Variants in AARS1 observed in about 807,000 individuals in gnomAD.
AARS1 encodes the protein alanyl-tRNA synthetase 1, also known as alanine--tRNA ligase, cytoplasmic.
Under a neutral mutation model 108.9 loss-of-function variants are expected in AARS1, and 72 were observed. That is an observed-to-expected ratio of 0.66 (90% CI 0.55 to 0.80). The LOEUF is 0.80. AARS1 is among the 30% of genes least tolerant of loss of function. The probability of loss-of-function intolerance (pLI) is 0.00; values close to 1 mark genes in which losing one functional copy is unlikely to be tolerated. For missense variants in AARS1, 1,193 were observed against 1,233.2 expected (o/e 0.97, Z 0.49); for synonymous variants, 489 against 465.7 (o/e 1.05, Z -0.64).
In AARS1 at chr16:70,259,110, T is replaced by G; in HGVS notation, c.1862A>C (p.Glu621Ala). 1 of 1,614,148 alleles carries G rather than the reference T, an allele frequency of 6.2e-7. No homozygotes were observed. The highest frequency in any genetic ancestry group is 8.5e-7 in the Non-Finnish European group (1 of 1,180,012). ...LNFALRSVLG[E>A]ADQKGSLVAP... ...AACCAATGAGCCTTTCTGGTCAGCT[T>G]CCCCAAGCACTGAGCGCAGGGCGAA... The change falls in exon 14 of 21, where the codon GAA (glutamate) becomes GCA (alanine). Residue 621 changes from glutamate to alanine, a missense_variant. By Grantham distance (107) the Glu-to-Ala change is moderately radical. Coordinates refer to ENST00000261772, the MANE Select transcript of AARS1 (RefSeq NM_001605.3).
At chr16:70,253,590 T>A (rs1959902090) in intron 19 of AARS1, 124 bp downstream of exon 19, 1 of 1,226,452 alleles carries the variant, frequency 8.2e-7, no homozygotes, top group African/African-American at 1.5e-5. Context: ...CTGCTGCTCC[T>A]CCCAATCTCA....
chr16:70,276,271 G>A, intron 4 of AARS1: 2 of 508,022 alleles, frequency 3.9e-6, no homozygotes, highest in Non-Finnish European at 7.1e-6. Flanking sequence ...TAATTACTCT[G>A]TCGCCCAGGC....
At position 70,254,701 on chromosome 16, in the gene AARS1, G is replaced by A; in HGVS notation, c.2320C>T (p.Leu774Phe). 2 of 1,614,060 alleles carry A rather than the reference G, an allele frequency of 1.2e-6. No homozygotes were observed. The highest frequency in any genetic ancestry group is 8.5e-7 in the Non-Finnish European group (1 of 1,179,930). ...TTCACTTTGGCTTCCATGACAGAGA[G>A]ACATTTCTTCAAGCTCTCTGCTTTC... ...LRKAESLKKC[L>F]SVMEAKVKAQ... The change falls in exon 17 of 21, where the codon CTC becomes TTC. Residue 774 changes from leucine (L) to phenylalanine (F), a missense_variant. Transcript: ENST00000261772.
intron 10 of AARS1, 123 bp downstream of exon 10, chr16:70,265,415 C>T (rs745471132): frequency 5.5e-6 from 8 of 1,466,968 alleles, no homozygotes; most frequent in Non-Finnish European, 7.6e-6. Context: ...ACTTGAGAAC[C>T]ACTGATCTAG....
At position 70,260,864 on chromosome 16, in the gene AARS1, G is replaced by T. The variant is rs182651209; in HGVS notation, c.1785+180C>A. Among the ~76,000 whole-genome samples, 14 of 152,084 alleles carry T rather than the reference G, an allele frequency of 9.2e-5. 1 individual carries two copies. The highest frequency in any genetic ancestry group is 2.0e-4 in the Admixed American group (3 of 15,262). The stretch of plus-strand genomic sequence containing the variant: ...TTTTTAGTAGAGACGGGGTTTCACC[G>T]TGTTAGCCAGGATGGTCTCGATCTC... On this transcript the variant is annotated intron_variant, in intron 13 of 20. Coordinates refer to ENST00000261772, the MANE Select transcript of AARS1 (RefSeq NM_001605.3).
intron 14 of AARS1, among the ~76,000 whole-genome samples, chr16:70,258,666 C>T (rs1476799857): frequency 6.6e-6 from 1 of 152,130 alleles, no homozygotes; most frequent in Non-Finnish European, 1.5e-5. Flanking sequence ...CCCGGGTTCA[C>T]ACCATTCTCC....
chr16:70,288,144 G>A lies in AARS1; in HGVS notation c.-22+1277C>T, dbSNP rs564373373. Among the ~76,000 whole-genome samples the A allele has an allele frequency of 6.6e-3, 791 of 119,688 alleles. 10 individuals are homozygous for A. The highest frequency in any genetic ancestry group is 0.025 in the African/African-American group (756 of 30,428). The allele number at this position is 119,688 out of a possible 152,430, so 78.5% of individuals were successfully genotyped here. A position where few individuals can be genotyped will look rare whatever the true frequency, so the allele number is the denominator to read the frequency against. On this transcript the variant is annotated intron_variant, in intron 1 of 20. Coordinates refer to ENST00000261772, the MANE Select transcript of AARS1 (RefSeq NM_001605.3). ...TTGAGACGGAGTCTCGCTCTGTTGC[G>A]CAGGCTGGAGTGCAGTGGCGCGATC...
chr16:70,285,227 T>C (rs1451677905), intron 1 of AARS1, among the ~76,000 whole-genome samples: 2 of 133,864 alleles, frequency 1.5e-5, no homozygotes, highest in Admixed American at 1.5e-4. Context: ...AGACTCCGTC[T>C]AAAAAAAAAA....
intron 11 of AARS1, among the ~76,000 whole-genome samples, chr16:70,264,641 G>A (rs1264205930): frequency 6.6e-6 from 1 of 152,126 alleles, no homozygotes; most frequent in Non-Finnish European, 1.5e-5. Context: ...GATAGTCACT[G>A]TGGATTGTAT....
chr16:70,283,307 G>A (rs1960751808), intron 1 of AARS1, among the ~76,000 whole-genome samples: 1 of 151,750 alleles, frequency 6.6e-6, no homozygotes, highest in East Asian at 1.9e-4. Flanking sequence ...TGAGGCAGGA[G>A]AATCGCTTGA....
intron 9 of AARS1, among the ~76,000 whole-genome samples, chr16:70,267,337 G>C (rs554197438): frequency 9.2e-5 from 14 of 152,214 alleles, no homozygotes; most frequent in African/African-American, 3.4e-4. Flanking sequence ...ATATCTACAT[G>C]TATTTGCATG....
intron 10 of AARS1, 177 bp downstream of exon 10, chr16:70,265,361 C>A: frequency 1.8e-6 from 2 of 1,095,672 alleles, no homozygotes; most frequent in South Asian, 1.3e-5. Context: ...AAAATGTCTT[C>A]AGACATTATC....
In AARS1 at chr16:70,276,558, G is replaced by A. The variant is rs1224921474; in HGVS notation, c.407C>T (p.Thr136Ile). The A allele has an allele frequency of 6.2e-7, 1 of 1,614,104 alleles. No homozygotes were observed. Among genetic ancestry groups the A allele is most frequent in the South Asian group, 1.1e-5 (1 of 91,084 alleles). ...FGIPIERLYV[T>I]YFGGDEAAGL... Reference sequence around the variant, plus strand: ...AGCTGCTTCATCCCCGCCAAAGTAAGTAACATAAAGTCTTTCAATGGGAAT... The same window carrying A: ...AGCTGCTTCATCCCCGCCAAAGTAAATAACATAAAGTCTTTCAATGGGAAT... Residue 136 changes from threonine (T) to isoleucine (I), a missense_variant, in exon 4 of 21, where the codon ACT becomes ATT. Coordinates refer to ENST00000261772, the MANE Select transcript of AARS1 (RefSeq NM_001605.3).
At position 70,277,156 on chromosome 16, in the gene AARS1, TAA is replaced by T; in HGVS notation, c.145-4_145-3del. 1 of 1,614,036 alleles carries T rather than the reference TAA, an allele frequency of 6.2e-7. No homozygotes were observed. Among genetic ancestry groups the T allele is most frequent in the South Asian group, 1.1e-5 (1 of 91,076 alleles). ...TGTGTTCAGGAAAATGGGTTTAAAC[TAA>T]AAGAGAAGGACAGCAGTTCAACTTT... On this transcript the variant is annotated splice_polypyrimidine_tract_variant and splice_region_variant and intron_variant, in intron 2 of 20. Coordinates refer to ENST00000261772, the MANE Select transcript of AARS1 (RefSeq NM_001605.3).
intron 9 of AARS1, among the ~76,000 whole-genome samples, chr16:70,266,685 C>G (rs955698353): frequency 6.6e-6 from 1 of 151,874 alleles, no homozygotes; most frequent in African/African-American, 2.4e-5. Context: ...TCATGCATGG[C>G]TAATTTTTGC....
intron 10 of AARS1, 77 bp downstream of exon 10, chr16:70,265,461 A>G: frequency 6.2e-7 from 1 of 1,603,810 alleles, no homozygotes; most frequent in Non-Finnish European, 8.5e-7. Flanking sequence ...ATGGAAGGAA[A>G]CTCATGCTCA....
intron 1 of AARS1, among the ~76,000 whole-genome samples, chr16:70,287,727 G>A (rs114121156): frequency 0.014 from 2,160 of 152,108 alleles, 63 homozygotes; most frequent in African/African-American, 0.049. Flanking sequence ...TAGGTAACAG[G>A]GTGAGACCCT....
At chr16:70,286,679 T>TA (rs762187210) in intron 1 of AARS1, among the ~76,000 whole-genome samples, 1 of 147,646 alleles carries the variant, frequency 6.8e-6, no homozygotes, top group Non-Finnish European at 1.5e-5. Flanking sequence ...CTACTAAAAA[T>TA]ACAACACAAC....
intron 11 of AARS1, among the ~76,000 whole-genome samples, chr16:70,264,478 G>A (rs571319229): frequency 9.9e-5 from 15 of 151,766 alleles, no homozygotes; most frequent in African/African-American, 3.1e-4. Flanking sequence ...CACCACGCCC[G>A]GCTAATTTCC....
Sources: gnomAD v4.1 joint callset for allele counts (sites outside exome capture counted in the v4.1 genomes callset) on GRCh38, gnomAD v4.1.1 for gene constraint, MANE v1.5 for transcripts, NCBI Gene and HGNC (gene_info 2026-07-23, HGNC 2026-07-21) for gene names.